Variants in GRIP1 observed in about 807,000 individuals in gnomAD.
GRIP1 encodes the protein glutamate receptor interacting protein 1.
Under a neutral mutation model 129.9 loss-of-function variants are expected in GRIP1, and 45 were observed. That is an observed-to-expected ratio of 0.35 (90% CI 0.27 to 0.44). The LOEUF is 0.44. Among genes scored for constraint, GRIP1 ranks in the 20% least tolerant of loss-of-function variants. GRIP1 has a pLI of 1.00. For missense variants in GRIP1, 1,196 were observed against 1,396.8 expected (o/e 0.86, Z 2.29); for synonymous variants, 530 against 520.8 (o/e 1.02, Z -0.24).
intron 1 of GRIP1, among the ~76,000 whole-genome samples, chr12:66,773,566 G>A (rs1242447816): frequency 3.9e-5 from 6 of 152,116 alleles, no homozygotes; most frequent in Non-Finnish European, 1.5e-5. Flanking sequence ...AGGGGGTCGG[G>A]GGCTAGGGGA....
chr12:66,677,870 A>G (rs1237718520), intron 1 of GRIP1, among the ~76,000 whole-genome samples: 1 of 152,228 alleles, frequency 6.6e-6, no homozygotes, highest in African/African-American at 2.4e-5. Context: ...ATCCATTAAC[A>G]TATTTATAGG....
intron 1 of GRIP1, among the ~76,000 whole-genome samples, chr12:66,654,292 A>G (rs1479973237): frequency 2.6e-5 from 4 of 152,252 alleles, no homozygotes; most frequent in Non-Finnish European, 4.4e-5. Context: ...ACTTGCAAAG[A>G]TAAGGTAAAA....
chr12:66,621,079 T>C (rs1225514120), intron 1 of GRIP1, among the ~76,000 whole-genome samples: 1 of 152,184 alleles, frequency 6.6e-6, no homozygotes, highest in Non-Finnish European at 1.5e-5. Flanking sequence ...AGCGATTTCA[T>C]TTACATTTTT....
chr12:66,714,646 T>C (rs2035813283), intron 1 of GRIP1, among the ~76,000 whole-genome samples: 1 of 152,082 alleles, frequency 6.6e-6, no homozygotes, highest in South Asian at 2.1e-4. Context: ...CAATTTACAA[T>C]GAACATTACC....
chr12:67,006,018 G>T (rs2042620921), intron 1 of GRIP1, among the ~76,000 whole-genome samples: 1 of 152,092 alleles, frequency 6.6e-6, no homozygotes, highest in Non-Finnish European at 1.5e-5. Flanking sequence ...CCACATACCA[G>T]CTCCTTGGCT....
chr12:66,811,627 T>TCC (rs1248043081), intron 1 of GRIP1, among the ~76,000 whole-genome samples: 1 of 152,130 alleles, frequency 6.6e-6, no homozygotes, highest in East Asian at 1.9e-4. Flanking sequence ...TCTGACTCTC[T>TCC]CCTCTCTTCC....
At chr12:66,658,875 G>C (rs1019297440) in intron 1 of GRIP1, among the ~76,000 whole-genome samples, 16 of 151,780 alleles carry the variant, frequency 1.1e-4, no homozygotes, top group African/African-American at 3.9e-4. Flanking sequence ...AGTGAGCCAT[G>C]ATCATGCCAT....
intron 7 of GRIP1, among the ~76,000 whole-genome samples, chr12:66,478,973 A>G (rs1292936358): frequency 6.6e-6 from 1 of 152,092 alleles, no homozygotes; most frequent in Non-Finnish European, 1.5e-5. Context: ...GCACAAATAT[A>G]CATATGTAAC....
At chr12:66,652,616 A>G (rs2032880564) in intron 1 of GRIP1, among the ~76,000 whole-genome samples, 1 of 152,226 alleles carries the variant, frequency 6.6e-6, no homozygotes, top group Non-Finnish European at 1.5e-5. Context: ...GGCACTGGGC[A>G]GGTCATATTA....
In GRIP1 at chr12:66,465,387, C is replaced by T. The variant is rs774077619; in HGVS notation, c.760G>A (p.Glu254Lys). The change falls in exon 8 of 25, where the codon GAA (glutamate) becomes AAA (lysine). Residue 254 changes from glutamate (E) to lysine (K), a missense_variant. This residue lies in a region of GRIP1 where 508 missense variants were observed against 587.0 expected (regional missense o/e 0.87). Coordinates refer to ENST00000359742, the MANE Select transcript of GRIP1 (RefSeq NM_001366722.1). Reference protein sequence around the residue: ...VATASGPLLVEVAKTPGASLG... With the variant: ...VATASGPLLVKVAKTPGASLG... ...CTGGCACCAGGAGTTTTGGCAACTT[C>T]GACTAGTAGTGGCCCGGATGCTGTT... 18 of 1,613,868 alleles carry T rather than the reference C, an allele frequency of 1.1e-5. No individual in the cohort carries two copies. Among genetic ancestry groups the T allele is most frequent in the Non-Finnish European group, 1.4e-5 (16 of 1,179,894 alleles).
At chr12:66,534,338 C>A (rs956900297) in intron 4 of GRIP1, among the ~76,000 whole-genome samples, 8 of 152,182 alleles carry the variant, frequency 5.3e-5, no homozygotes, top group African/African-American at 1.9e-4. Flanking sequence ...TCCTTTAACT[C>A]TACTAATGCT....
At chr12:66,770,852 T>C (rs1417112370) in intron 1 of GRIP1, among the ~76,000 whole-genome samples, 2 of 152,020 alleles carry the variant, frequency 1.3e-5, no homozygotes, top group Non-Finnish European at 2.9e-5. Context: ...TCCCAGCACT[T>C]TGGGAGGCCG....
intron 14 of GRIP1, among the ~76,000 whole-genome samples, chr12:66,421,257 T>A (rs2057792289): frequency 6.6e-6 from 1 of 152,122 alleles, no homozygotes; most frequent in East Asian, 1.9e-4. Flanking sequence ...AAAGTTCTTT[T>A]TTTTGGCCAG....
intron 1 of GRIP1, among the ~76,000 whole-genome samples, chr12:66,955,992 AGAGT>A (rs1256272429): frequency 6.6e-6 from 1 of 152,224 alleles, no homozygotes; most frequent in Admixed American, 6.5e-5. Context: ...TGGATTTACA[AGAGT>A]TAGTTGTGCA....
chr12:66,562,798 C>T (rs990879706), intron 2 of GRIP1, among the ~76,000 whole-genome samples: 1 of 152,096 alleles, frequency 6.6e-6, no homozygotes, highest in African/African-American at 2.4e-5. Context: ...CAAAACTTAA[C>T]TATTAATAGC....
At position 66,738,674 on chromosome 12, in the gene GRIP1, T is replaced by C. The variant is rs190960501; in HGVS notation, c.-420+65379A>G. ...AGGAGCAAAAGGGGACACAGGGAGATGAGCTCAAGGCCCCAGTGATAGTCC... is the reference window on the plus strand; with the variant it reads ...AGGAGCAAAAGGGGACACAGGGAGACGAGCTCAAGGCCCCAGTGATAGTCC... On this transcript the variant is annotated intron_variant, in intron 1 of 4. Coordinates refer to the GRIP1 transcript ENST00000538373. Among the ~76,000 whole-genome samples, 281 of 152,256 alleles carry C rather than the reference T, an allele frequency of 1.8e-3. 1 individual carries two copies. Among genetic ancestry groups the C allele is most frequent in the African/African-American group, 5.8e-3 (242 of 41,542 alleles).
chr12:66,937,827 G>A (rs1336207965), intron 1 of GRIP1, among the ~76,000 whole-genome samples: 2 of 152,078 alleles, frequency 1.3e-5, no homozygotes, highest in East Asian at 3.8e-4. Flanking sequence ...TATCTTATTG[G>A]TCATAGTAAA....
At chr12:66,658,285 A>G (rs112372562) in intron 1 of GRIP1, among the ~76,000 whole-genome samples, 6 of 152,306 alleles carry the variant, frequency 3.9e-5, no homozygotes, top group African/African-American at 1.4e-4. Flanking sequence ...AGCTAACCGT[A>G]GGTTTGGGAT....
intron 2 of GRIP1, among the ~76,000 whole-genome samples, chr12:66,584,171 C>T (rs1283174832): frequency 6.7e-6 from 1 of 149,440 alleles, no homozygotes; most frequent in Non-Finnish European, 1.5e-5. Context: ...AAAAACCAAA[C>T]ACCGCATATT....
Sources: allele counts gnomAD v4.1 joint callset (sites outside exome capture counted in the v4.1 genomes callset), GRCh38; gene constraint gnomAD v4.1.1; regional missense constraint gnomAD v4.1.1; transcripts MANE v1.5; gene names NCBI Gene and HGNC (gene_info 2026-07-23, HGNC 2026-07-21).